The following ENTREP2 variants were observed in gnomAD, a reference collection of about 807,000 sequenced individuals.
The protein encoded by ENTREP2 is protein ENTREP2.
At chr15:29,630,991 TTTTA>T in the ENTREP2 span, among the ~76,000 whole-genome samples, 2 of 152,202 alleles carry the variant, frequency 1.3e-5, no homozygotes, top group African/African-American at 4.8e-5. Flanking sequence ...ATTGAGTAAA[TTTTA>T]TTTCTCTATT....
chr15:29,358,392 T>C, the ENTREP2 span, among the ~76,000 whole-genome samples: 1 of 152,174 alleles, frequency 6.6e-6, no homozygotes, highest in South Asian at 2.1e-4. Flanking sequence ...CAGTACATTA[T>C]TTAGGGATGT....
At chr15:29,417,088 T>A in the ENTREP2 span, among the ~76,000 whole-genome samples, 1 of 152,200 alleles carries the variant, frequency 6.6e-6, no homozygotes, top group Non-Finnish European at 1.5e-5. Context: ...TCAGTGTGGC[T>A]ATTCCTCAGG....
the ENTREP2 span, among the ~76,000 whole-genome samples, chr15:29,366,653 G>T: frequency 6.6e-6 from 1 of 152,094 alleles, no homozygotes; most frequent in East Asian, 1.9e-4. Context: ...TCAGAAAAAT[G>T]GAATCATACA....
At chr15:29,172,868 A>G in the ENTREP2 span, among the ~76,000 whole-genome samples, 2 of 152,038 alleles carry the variant, frequency 1.3e-5, no homozygotes, top group Non-Finnish European at 2.9e-5. Flanking sequence ...CCAGTACCTC[A>G]GGTCTACTCT....
chr15:29,473,821 C>A, the ENTREP2 span, among the ~76,000 whole-genome samples: 1 of 152,184 alleles, frequency 6.6e-6, no homozygotes, highest in South Asian at 2.1e-4. Context: ...GGCCCCATCT[C>A]CCGGGCTGAA....
the ENTREP2 span, among the ~76,000 whole-genome samples, chr15:29,514,747 T>A: frequency 6.6e-6 from 1 of 152,156 alleles, no homozygotes. Context: ...GGACTCAATA[T>A]CACCTATTTT....
the ENTREP2 span, among the ~76,000 whole-genome samples, chr15:29,381,455 CAAAAAAAAA>C: frequency 2.3e-5 from 1 of 44,312 alleles, no homozygotes; most frequent in African/African-American, 7.8e-5. Flanking sequence ...GACTCTGTCT[CAAAAAAAAA>C]AAAAAAAAAA....
the ENTREP2 span, chr15:29,136,952 C>G: frequency 2.6e-6 from 3 of 1,176,080 alleles, no homozygotes. Flanking sequence ...GCCATGCCTG[C>G]AGGACCACTG....
chr15:29,218,626 C>A, the ENTREP2 span, among the ~76,000 whole-genome samples: 12 of 152,228 alleles, frequency 7.9e-5, no homozygotes, highest in East Asian at 2.3e-3. Context: ...GCACACAGAC[C>A]AATGGAATAG....
the ENTREP2 span, among the ~76,000 whole-genome samples, chr15:29,616,694 A>C: frequency 2.6e-5 from 4 of 152,198 alleles, no homozygotes; most frequent in East Asian, 7.7e-4. Context: ...TTTACAGACA[A>C]GTATTTTGCT....
At chr15:29,624,574 A>G in the ENTREP2 span, among the ~76,000 whole-genome samples, 27 of 152,322 alleles carry the variant, frequency 1.8e-4, 1 homozygote, top group African/African-American at 6.3e-4. Context: ...CAGTGATGTT[A>G]TTTTGGAGAA....
the ENTREP2 span, among the ~76,000 whole-genome samples, chr15:29,184,813 G>C: frequency 6.6e-6 from 1 of 152,156 alleles, no homozygotes; most frequent in Non-Finnish European, 1.5e-5. Context: ...TGGGGACCAT[G>C]GGACATGGAG....
the ENTREP2 span, among the ~76,000 whole-genome samples, chr15:29,129,660 C>T: frequency 3.3e-5 from 5 of 152,056 alleles, no homozygotes; most frequent in Non-Finnish European, 7.4e-5. Context: ...TTTCAGCTTT[C>T]TTCTTGGATA....
At chr15:29,315,580 G>C in the ENTREP2 span, among the ~76,000 whole-genome samples, 2 of 152,104 alleles carry the variant, frequency 1.3e-5, no homozygotes, top group African/African-American at 4.8e-5. Flanking sequence ...AAATAGATTA[G>C]AAACTTAAAT....
chr15:29,341,837 C>T, the ENTREP2 span, among the ~76,000 whole-genome samples: 3 of 152,240 alleles, frequency 2.0e-5, no homozygotes, highest in East Asian at 1.9e-4. Flanking sequence ...AGGCCCGTGG[C>T]GCTGGACTAC....
At chr15:29,268,890 A>T in the ENTREP2 span, 1 of 1,614,098 alleles carries the variant, frequency 6.2e-7, no homozygotes, top group South Asian at 1.1e-5. Flanking sequence ...TGGGGTCTTG[A>T]TTATGGACCT....
the ENTREP2 span, among the ~76,000 whole-genome samples, chr15:29,666,008 C>G: frequency 6.6e-6 from 1 of 151,802 alleles, no homozygotes; most frequent in Non-Finnish European, 1.5e-5. Context: ...CACACACCAC[C>G]ACACCCAGCT....
the ENTREP2 span, among the ~76,000 whole-genome samples, chr15:29,565,583 T>C: frequency 6.6e-6 from 1 of 152,208 alleles, no homozygotes; most frequent in East Asian, 1.9e-4. Flanking sequence ...GCTGGGAATA[T>C]TCGTTATACA....
At chr15:29,627,237 A>G in the ENTREP2 span, among the ~76,000 whole-genome samples, 1 of 152,096 alleles carries the variant, frequency 6.6e-6, no homozygotes, top group Non-Finnish European at 1.5e-5. Context: ...ATTCAGTGGT[A>G]TTAGTGCATT....
Sources: allele counts gnomAD v4.1 joint callset (sites outside exome capture counted in the v4.1 genomes callset), GRCh38; gene constraint gnomAD v4.1.1; transcripts MANE v1.5; gene names NCBI Gene and HGNC (gene_info 2026-07-23, HGNC 2026-07-21).